The following NREP variants were observed in gnomAD, a reference collection of about 807,000 sequenced individuals.
NREP encodes the protein neuronal regeneration-related protein.
NREP carries 5 observed loss-of-function variants against 8.6 expected under a neutral mutation model. That is an observed-to-expected ratio of 0.58 (90% CI 0.30 to 1.22). The LOEUF is 1.22. NREP is among the 50% of genes most tolerant of loss of function. NREP has a pLI of 0.07. For synonymous variants in NREP, 27 were observed against 28.0 expected, an observed-to-expected ratio of 0.96 and a Z score of 0.11; for missense variants, 86 against 82.5, an observed-to-expected ratio of 1.04 and a Z score of -0.17.
chr5:111,975,453 CAG>C lies in NREP; in HGVS notation c.31-77_31-76del, dbSNP rs1005999527. 4.0e-5 allele frequency: 39 copies of C among 969,424 alleles called. 1 individual carries two copies. The Middle Eastern group carries it at 8.4e-4, about 21-fold the overall frequency. The allele number at this position is 969,424 out of a possible 1,614,324, so 60.1% of individuals were successfully genotyped here. On this transcript the variant is annotated intron_variant, in intron 1 of 3. Transcript: ENST00000395634. ...GCCACAACTCACAGCTCCAGCAATTCAGAGAGGAGGAGAATGGGCATTGTTCT... is the reference window on the plus strand; with the variant it reads ...GCCACAACTCACAGCTCCAGCAATTCAGAGGAGGAGAATGGGCATTGTTCT...
chr5:111,920,355 CAT>C (rs1289404837), intron 2 of NREP, among the ~76,000 whole-genome samples: 1 of 152,062 alleles, frequency 6.6e-6, no homozygotes, highest in East Asian at 1.9e-4. Context: ...AAATTTGTTA[CAT>C]ATGTATACGT....
chr5:111,824,565 A>G (rs1475760968), intron 2 of NREP, among the ~76,000 whole-genome samples: 2 of 152,070 alleles, frequency 1.3e-5, no homozygotes, highest in African/African-American at 4.8e-5. Flanking sequence ...TTTCAAACAC[A>G]TTGTACTTTT....
intron 2 of NREP, among the ~76,000 whole-genome samples, chr5:111,839,640 T>C (rs1278190375): frequency 1.3e-5 from 2 of 152,090 alleles, no homozygotes; most frequent in African/African-American, 4.8e-5. Flanking sequence ...GATAGTCCTA[T>C]ACATTCCAAA....
At chr5:111,731,116 C>G in intron 3 of NREP, 70 bp from the exon 4 acceptor site, 1 of 1,568,418 alleles carries the variant, frequency 6.4e-7, no homozygotes, top group Admixed American at 1.8e-5. Context: ...CTTCTGAAAC[C>G]ATTTTTTAAA....
At chr5:111,930,777 T>A (rs1399011158) in intron 2 of NREP, among the ~76,000 whole-genome samples, 1 of 152,118 alleles carries the variant, frequency 6.6e-6, no homozygotes, top group Non-Finnish European at 1.5e-5. Context: ...CACAGCAGTC[T>A]CTCTCCTCTT....
At chr5:111,795,082 C>G (rs1322338594) in intron 2 of NREP, among the ~76,000 whole-genome samples, 2 of 151,270 alleles carry the variant, frequency 1.3e-5, no homozygotes, top group African/African-American at 4.9e-5. Flanking sequence ...GTTTAAGTAT[C>G]TTTGATTCAA....
rs182091135 is a variant in NREP at position 111,755,200 on chromosome 5, A to C, written c.3+570T>G. ...TAGTTATACTTTTATTTAGAGGTTA[A>C]CATGCTTGACTTCTAAAATTGAGTA... On this transcript the variant is annotated intron_variant, in intron 2 of 3. Transcript: ENST00000257435. Among the ~76,000 whole-genome samples, 213 of 152,330 alleles carry C rather than the reference A, an allele frequency of 1.4e-3. 1 individual carries two copies. Among genetic ancestry groups the C allele is most frequent in the African/African-American group, 4.9e-3 (203 of 41,580 alleles).
intron 2 of NREP, among the ~76,000 whole-genome samples, chr5:111,791,630 A>G (rs1751749912): frequency 6.6e-6 from 1 of 151,908 alleles, no homozygotes; most frequent in Admixed American, 6.6e-5. Context: ...GGTGTGTGCC[A>G]CCATGCCCAC....
chr5:111,788,689 T>G (rs1280524632), intron 2 of NREP, among the ~76,000 whole-genome samples: 2 of 152,200 alleles, frequency 1.3e-5, no homozygotes, highest in African/African-American at 2.4e-5. Context: ...CACAATCACA[T>G]TTCAAAATTA....
chr5:111,954,167 G>A (rs1018945740), intron 2 of NREP, among the ~76,000 whole-genome samples: 3 of 152,130 alleles, frequency 2.0e-5, no homozygotes, highest in African/African-American at 7.2e-5. Flanking sequence ...AGGCTCTGCA[G>A]TGGCATATTG....
At chr5:111,780,586 G>A (rs969324851) in intron 2 of NREP, among the ~76,000 whole-genome samples, 1 of 152,154 alleles carries the variant, frequency 6.6e-6, no homozygotes, top group Non-Finnish European at 1.5e-5. Context: ...TTGGTGGGGA[G>A]TGTATTTCAT....
At chr5:111,893,878 T>C (rs137977142) in intron 2 of NREP, among the ~76,000 whole-genome samples, 169 of 151,992 alleles carry the variant, frequency 1.1e-3, no homozygotes, top group African/African-American at 4.0e-3. Context: ...TACAATGATG[T>C]TAAACTATGA....
At chr5:111,732,660 TAAAAAAA>T (rs34367498) in intron 3 of NREP, 1 of 132,406 alleles carries the variant, frequency 7.6e-6, no homozygotes, top group African/African-American at 2.8e-5. Context: ...TCCCAAAATT[TAAAAAAA>T]AAAAAAAAAA....
intron 2 of NREP, among the ~76,000 whole-genome samples, chr5:111,785,087 G>C (rs1751578231): frequency 6.6e-6 from 1 of 152,072 alleles, no homozygotes; most frequent in African/African-American, 2.4e-5. Flanking sequence ...TCTATATCCT[G>C]TTTTGCCTGG....
At chr5:111,773,366 C>T (rs1409869067) in intron 2 of NREP, among the ~76,000 whole-genome samples, 1 of 152,166 alleles carries the variant, frequency 6.6e-6, no homozygotes, top group Non-Finnish European at 1.5e-5. Flanking sequence ...TTGGAGGTTA[C>T]TAATTGGTCC....
In NREP at chr5:111,951,059, T is replaced by C. The variant is rs553151629; in HGVS notation, c.135+24215A>G. Among the ~76,000 whole-genome samples the C allele has an allele frequency of 2.0e-5, 3 of 152,248 alleles. No individual in the cohort carries two copies. In the East Asian group the frequency reaches 5.8e-4, roughly 30 times the overall value. On this transcript the variant is annotated intron_variant, in intron 2 of 3. Coordinates refer to the NREP transcript ENST00000395634. ...CAGATGTCTTTATACTTTTATTACA[T>C]ATGAATATCTCTGAAGACAATGTAT... is the stretch of plus-strand genomic sequence containing the variant.
intron 2 of NREP, among the ~76,000 whole-genome samples, chr5:111,812,729 C>T (rs971548808): frequency 1.3e-4 from 20 of 152,098 alleles, no homozygotes; most frequent in Non-Finnish European, 2.1e-4. Flanking sequence ...TTCTATGTAA[C>T]TCAGTGGTAG....
intron 2 of NREP, among the ~76,000 whole-genome samples, chr5:111,844,618 T>C (rs1753112671): frequency 6.7e-6 from 1 of 148,330 alleles, no homozygotes; most frequent in South Asian, 2.1e-4. Context: ...CATTCTTGAA[T>C]ATTTAGTTGA....
chr5:111,777,064 G>C (rs1419070498), intron 2 of NREP, among the ~76,000 whole-genome samples: 1 of 151,574 alleles, frequency 6.6e-6, no homozygotes, highest in East Asian at 1.9e-4. Flanking sequence ...AAGAAGAGGA[G>C]AGCAGCTATA....
Sources: gnomAD v4.1 joint callset for allele counts (sites outside exome capture counted in the v4.1 genomes callset) on GRCh38, gnomAD v4.1.1 for gene constraint, MANE v1.5 for transcripts, NCBI Gene and HGNC (gene_info 2026-07-23, HGNC 2026-07-21) for gene names.